COL26A1: variants seen among roughly 807,000 people sequenced by gnomAD.
The protein encoded by COL26A1 is collagen type XXVI alpha 1 chain, also known as collagen alpha-1(XXVI) chain.
In COL26A1, 41 loss-of-function variants were observed where a neutral mutation model predicts 59.3. The ratio of observed to expected loss-of-function variants is 0.69; its 90% CI spans 0.54 to 0.90. The LOEUF is 0.90. Ranked by LOEUF, COL26A1 falls within the 40% of genes least tolerant of loss-of-function variation. The pLI, the probability that COL26A1 is intolerant of heterozygous loss-of-function variation, is 0.00. For missense variants in COL26A1, 612 were observed against 602.3 expected (o/e 1.02, Z -0.17); for synonymous variants, 266 against 256.0 (o/e 1.04, Z -0.37).
chr7:101,468,239 G>A (rs971225948), intron 3 of COL26A1, among the ~76,000 whole-genome samples: 1 of 150,486 alleles, frequency 6.6e-6, no homozygotes. Context: ...GGAGGTGGAG[G>A]TGCAGCCAGC....
At chr7:101,405,649 TCCTC>T (rs1792112148) in intron 1 of COL26A1, among the ~76,000 whole-genome samples, 1 of 152,116 alleles carries the variant, frequency 6.6e-6, no homozygotes, top group East Asian at 1.9e-4. Context: ...CCTCACATGA[TCCTC>T]CCTAAGTGCC....
chr7:101,461,899 C>T (rs894968816), intron 3 of COL26A1, among the ~76,000 whole-genome samples: 37 of 151,982 alleles, frequency 2.4e-4, no homozygotes, highest in African/African-American at 8.7e-4. Flanking sequence ...CAGCCCTCAC[C>T]GTTGGGGCCA....
Position 101,363,000 on chromosome 7 carries a change from G to A in COL26A1, c.-33G>A, listed in dbSNP as rs1010517199. 2 of 1,552,268 alleles carry A rather than the reference G, an allele frequency of 1.3e-6. No homozygotes were observed. The highest frequency in any genetic ancestry group is 1.7e-6 in the Non-Finnish European group (2 of 1,158,990). The stretch of plus-strand genomic sequence containing the variant: ...TGCGCTCCTGCCGGTCCTCGTGCCC[G>A]GGACTCCGGGTCCCCGCGGGCTGCT... On this transcript the variant is annotated 5_prime_UTR_variant, in exon 1 of 13. Coordinates refer to ENST00000313669, the MANE Select transcript of COL26A1 (RefSeq NM_001278563.3).
At chr7:101,454,622 G>A (rs192302845) in intron 3 of COL26A1, among the ~76,000 whole-genome samples, 2 of 152,104 alleles carry the variant, frequency 1.3e-5, no homozygotes, top group East Asian at 3.9e-4. Flanking sequence ...TTTTGGGGGT[G>A]GTTTGTTGTT....
chr7:101,544,297 G>T (rs1051591301), intron 6 of COL26A1, among the ~76,000 whole-genome samples: 4 of 151,988 alleles, frequency 2.6e-5, no homozygotes, highest in South Asian at 2.1e-4. Context: ...ATGCCATCTC[G>T]GCTCATTGCC....
chr7:101,455,142 A>C (rs558669458), intron 3 of COL26A1, among the ~76,000 whole-genome samples: 7 of 150,090 alleles, frequency 4.7e-5, no homozygotes, highest in African/African-American at 1.7e-4. Flanking sequence ...TCCCAGGCCC[A>C]AGTGATCCTC....
intron 1 of COL26A1, among the ~76,000 whole-genome samples, chr7:101,392,175 G>A (rs1053381514): frequency 6.6e-6 from 1 of 152,102 alleles, no homozygotes; most frequent in Non-Finnish European, 1.5e-5. Context: ...GAGGTGTGAC[G>A]GGGCTGGGCC....
At chr7:101,428,158 T>C (rs962883633) in intron 2 of COL26A1, among the ~76,000 whole-genome samples, 1 of 151,946 alleles carries the variant, frequency 6.6e-6, no homozygotes, top group South Asian at 2.1e-4. Flanking sequence ...CTGAAAGAAA[T>C]GACAGCCCGG....
At chr7:101,535,155 C>T (rs929044408) in intron 4 of COL26A1, among the ~76,000 whole-genome samples, 1 of 152,130 alleles carries the variant, frequency 6.6e-6, no homozygotes, top group Non-Finnish European at 1.5e-5. Context: ...ATGGGAGAGA[C>T]CCAGCTGCTC....
At chr7:101,489,818 CTT>C (rs1334967748) in intron 3 of COL26A1, among the ~76,000 whole-genome samples, 170 of 5,710 alleles carry the variant, frequency 0.03, 26 homozygotes, top group Non-Finnish European at 0.036. Context: ...TTCTTTCTTT[CTT>C]TCTTTCTTTC....
chr7:101,517,210 C>T (rs567790682), intron 3 of COL26A1, among the ~76,000 whole-genome samples: 16 of 152,298 alleles, frequency 1.1e-4, no homozygotes, highest in African/African-American at 1.9e-4. Context: ...AGGTAGCTTC[C>T]GTGTGAGCGC....
intron 10 of COL26A1, 22 bp from the exon 11 acceptor site, chr7:101,553,304 G>A (rs1352064915): frequency 1.2e-6 from 2 of 1,612,602 alleles, no homozygotes; most frequent in African/African-American, 2.7e-5. Flanking sequence ...TTCCAGTGTT[G>A]ACTGTGTGAC....
At chr7:101,377,733 T>G (rs187221220) in intron 1 of COL26A1, among the ~76,000 whole-genome samples, 3 of 152,246 alleles carry the variant, frequency 2.0e-5, no homozygotes, top group Middle Eastern at 3.4e-3. Context: ...AGCAGTGACT[T>G]ACTTCTGAAG....
intron 7 of COL26A1, 110 bp downstream of exon 7, chr7:101,545,600 C>A: frequency 8.5e-7 from 1 of 1,183,362 alleles, no homozygotes; most frequent in Non-Finnish European, 1.1e-6. Context: ...CATGCCCATC[C>A]TGCTGCACCC....
Position 101,537,930 on chromosome 7 carries a change from C to A in COL26A1, c.448-1963C>A, listed in dbSNP as rs373450001. Among the ~76,000 whole-genome samples the A allele has an allele frequency of 9.3e-3, 1,408 of 152,162 alleles. 25 individuals carry two copies. Among genetic ancestry groups the A allele is most frequent in the African/African-American group, 0.033 (1,352 of 41,502 alleles). ...TTCCCCTTGGGATACTGCAACCCAC[C>A]CCCGCCAACTTATCACCTTCACTCC... On this transcript the variant is annotated intron_variant, in intron 4 of 12. Transcript: ENST00000313669.
intron 2 of COL26A1, among the ~76,000 whole-genome samples, chr7:101,441,482 T>TG: frequency 6.6e-6 from 1 of 151,986 alleles, no homozygotes; most frequent in South Asian, 2.1e-4. Flanking sequence ...CGGCTATTTT[T>TG]TGTGTGTGTG....
At chr7:101,450,536 C>T (rs1305570971) in intron 3 of COL26A1, among the ~76,000 whole-genome samples, 1 of 152,062 alleles carries the variant, frequency 6.6e-6, no homozygotes, top group Non-Finnish European at 1.5e-5. Context: ...CCAACCTGGA[C>T]ATTCCAAGGG....
intron 1 of COL26A1, among the ~76,000 whole-genome samples, chr7:101,366,179 GC>G: frequency 6.6e-6 from 1 of 152,234 alleles, no homozygotes; most frequent in Non-Finnish European, 1.5e-5. Flanking sequence ...TGCCCAGAAA[GC>G]CCAGCGTGGG....
intron 3 of COL26A1, among the ~76,000 whole-genome samples, chr7:101,500,359 C>A (rs1794677097): frequency 6.6e-6 from 1 of 152,220 alleles, no homozygotes; most frequent in African/African-American, 2.4e-5. Flanking sequence ...ATCTCGATCC[C>A]AAACACTTGG....
Sources: gnomAD v4.1 joint callset for allele counts (sites outside exome capture counted in the v4.1 genomes callset) on GRCh38, gnomAD v4.1.1 for gene constraint, MANE v1.5 for transcripts, NCBI Gene and HGNC (gene_info 2026-07-23, HGNC 2026-07-21) for gene names.